MKLN1: variants seen among roughly 807,000 people sequenced by gnomAD.
MKLN1 encodes muskelin 1.
Under a neutral mutation model 99.0 loss-of-function variants are expected in MKLN1, and 18 were observed. The observed-to-expected ratio is 0.18, with a 90% CI of 0.13 to 0.27. The LOEUF (loss-of-function observed/expected upper bound fraction) is 0.27, where lower values mean the gene tolerates loss of function less well. Ranked by LOEUF, MKLN1 falls within the 10% of genes least tolerant of loss-of-function variation. The pLI, the probability that MKLN1 is intolerant of heterozygous loss-of-function variation, is 1.00. For missense variants in MKLN1, 621 were observed against 875.9 expected (o/e 0.71, Z 3.67); for synonymous variants, 288 against 293.2 (o/e 0.98, Z 0.18).
intron 2 of MKLN1, among the ~76,000 whole-genome samples, chr7:131,151,208 C>G (rs1294465779): frequency 2.0e-5 from 3 of 152,232 alleles, no homozygotes; most frequent in Admixed American, 2.0e-4. Flanking sequence ...GAGCAGCCTT[C>G]CCTCTGACTC....
At chr7:131,145,442 C>G (rs1157031336) in intron 2 of MKLN1, among the ~76,000 whole-genome samples, 1 of 152,028 alleles carries the variant, frequency 6.6e-6, no homozygotes, top group Non-Finnish European at 1.5e-5. Context: ...ATGTAACGTT[C>G]GAGAGGGGAA....
chr7:131,155,334 C>A (rs954662780), intron 2 of MKLN1, among the ~76,000 whole-genome samples: 1 of 152,120 alleles, frequency 6.6e-6, no homozygotes, highest in Non-Finnish European at 1.5e-5. Flanking sequence ...TGACAGGAAG[C>A]AATCCACAAA....
At chr7:131,439,616 A>G (rs1795773266) in intron 10 of MKLN1, among the ~76,000 whole-genome samples, 1 of 152,226 alleles carries the variant, frequency 6.6e-6, no homozygotes, top group South Asian at 2.1e-4. Context: ...CACTCCAAAA[A>G]TAGCTTGTGG....
At chr7:131,230,246 A>C (rs2116472811) in intron 3 of MKLN1, among the ~76,000 whole-genome samples, 1 of 152,274 alleles carries the variant, frequency 6.6e-6, no homozygotes, top group East Asian at 1.9e-4. Context: ...GCCCAAATCC[A>C]AAAGGGAGGA....
chr7:131,283,355 T>TC (rs1479032650), intron 3 of MKLN1, among the ~76,000 whole-genome samples: 2 of 63,790 alleles, frequency 3.1e-5, no homozygotes, highest in African/African-American at 8.2e-5. Flanking sequence ...CCTCCTTCCT[T>TC]CCTTCCTTCC....
At chr7:131,175,018 A>G (rs1465711702) in intron 2 of MKLN1, among the ~76,000 whole-genome samples, 1 of 145,664 alleles carries the variant, frequency 6.9e-6, no homozygotes, top group African/African-American at 2.5e-5. Context: ...TAGGGTGGGT[A>G]TATAGATAGG....
chr7:131,390,723 A>G (rs769678242), intron 4 of MKLN1, among the ~76,000 whole-genome samples: 1 of 152,112 alleles, frequency 6.6e-6, no homozygotes, highest in East Asian at 1.9e-4. Flanking sequence ...AGCAATTTTC[A>G]GTTATTACTA....
chr7:131,239,569 C>G (rs147479065), intron 3 of MKLN1, among the ~76,000 whole-genome samples: 1 of 152,188 alleles, frequency 6.6e-6, no homozygotes, highest in East Asian at 1.9e-4. Context: ...CTTCCCACCT[C>G]GGTCTCCTAA....
intron 6 of MKLN1, among the ~76,000 whole-genome samples, chr7:131,406,572 G>A (rs2116296861): frequency 6.6e-6 from 1 of 151,800 alleles, no homozygotes; most frequent in African/African-American, 2.4e-5. Flanking sequence ...ATATTTACTG[G>A]GTTTTTTTTC....
intron 3 of MKLN1, among the ~76,000 whole-genome samples, chr7:131,203,547 T>C (rs1796761758): frequency 6.6e-6 from 1 of 152,208 alleles, no homozygotes; most frequent in Admixed American, 6.5e-5. Context: ...TGGGAAAACA[T>C]GGTCATAATT....
At chr7:131,328,208 AGGGGCGAGGTGTGTGGCGGATCC>A in intron 1 of MKLN1, 2 of 601,528 alleles carry the variant, frequency 3.3e-6, no homozygotes, top group Non-Finnish European at 2.9e-6. Flanking sequence ...CCCAGGGAGA[AGGGGCGAGGTGTGTGGCGGATCC>A]GGGGCGCGCA....
At chr7:131,321,673 AAAAC>A (rs778178396) in intron 3 of MKLN1, among the ~76,000 whole-genome samples, 5 of 152,210 alleles carry the variant, frequency 3.3e-5, no homozygotes, top group South Asian at 2.1e-4. Context: ...TGAACTTTAA[AAAAC>A]AAACAAACAA....
chr7:131,171,990 A>T (rs1796222454), intron 2 of MKLN1, among the ~76,000 whole-genome samples: 1 of 152,198 alleles, frequency 6.6e-6, no homozygotes, highest in Admixed American at 6.5e-5. Flanking sequence ...AGTAGCAGGT[A>T]GATTGGGGCC....
intron 12 of MKLN1, among the ~76,000 whole-genome samples, chr7:131,462,750 G>C (rs1268745564): frequency 6.6e-6 from 1 of 152,158 alleles, no homozygotes; most frequent in Non-Finnish European, 1.5e-5. Context: ...TTATTGTTTA[G>C]TTAAAAAGTT....
intron 17 of MKLN1, 31 bp downstream of exon 17, chr7:131,478,708 G>C (rs569473557): frequency 1.9e-6 from 3 of 1,603,856 alleles, no homozygotes; most frequent in Admixed American, 1.7e-5. Context: ...TATCCAGCTA[G>C]ATGCCCTAGC....
chr7:131,362,640 T>TTGG (rs1405443908), intron 1 of MKLN1, among the ~76,000 whole-genome samples: 4 of 152,112 alleles, frequency 2.6e-5, no homozygotes, highest in African/African-American at 9.6e-5. Context: ...TGTTACGTTA[T>TTGG]AGACAGTTGC....
At chr7:131,418,103 T>C (rs992243579) in intron 8 of MKLN1, among the ~76,000 whole-genome samples, 1 of 151,976 alleles carries the variant, frequency 6.6e-6, no homozygotes, top group East Asian at 1.9e-4. Context: ...GCACGGTGGC[T>C]CACGCCTGTA....
At chr7:131,407,079 A>G (rs565195362) in intron 6 of MKLN1, among the ~76,000 whole-genome samples, 1 of 151,928 alleles carries the variant, frequency 6.6e-6, no homozygotes, top group Admixed American at 6.6e-5. Context: ...TAATATTTTA[A>G]GCTTCTCTAA....
intron 17 of MKLN1, among the ~76,000 whole-genome samples, chr7:131,485,481 A>G (rs1042426022): frequency 2.6e-5 from 4 of 152,106 alleles, no homozygotes; most frequent in African/African-American, 9.6e-5. Context: ...GGAGAACAGG[A>G]TATTTACACA....
Sources: allele counts gnomAD v4.1 joint callset (sites outside exome capture counted in the v4.1 genomes callset), GRCh38; gene constraint gnomAD v4.1.1; transcripts MANE v1.5; gene names NCBI Gene and HGNC (gene_info 2026-07-23, HGNC 2026-07-21).